Variants in POLN observed in about 807,000 individuals in gnomAD.
POLN encodes the protein DNA polymerase nu.
A neutral mutation model predicts 113.5 loss-of-function variants in POLN; 108 were observed. The ratio of observed to expected loss-of-function variants is 0.95; its 90% CI spans 0.81 to 1.12. The LOEUF (loss-of-function observed/expected upper bound fraction) is 1.12. POLN is among the 50% of genes most tolerant of loss of function. The pLI is 0.00. For missense variants in POLN, 1,097 were observed against 1,077.1 expected (o/e 1.02, Z -0.26); for synonymous variants, 386 against 391.5 (o/e 0.99, Z 0.17).
intron 23 of POLN, 68 bp downstream of exon 23, chr4:2,080,890 C>G (rs1355407030): frequency 6.2e-7 from 1 of 1,610,290 alleles, no homozygotes; most frequent in East Asian, 2.2e-5. Flanking sequence ...AATCACGAGC[C>G]CCGAGGGGGT....
intron 16 of POLN, among the ~76,000 whole-genome samples, chr4:2,155,167 G>C (rs1208386391): frequency 6.6e-6 from 1 of 152,218 alleles, no homozygotes; most frequent in African/African-American, 2.4e-5. Context: ...TATCAACTAA[G>C]AGAAACTACA....
rs370274374 is a variant in POLN, at chr4:2,223,670, T to C, written c.133+5429A>G. Among the ~76,000 whole-genome samples the C allele has an allele frequency of 3.9e-5, 6 of 152,344 alleles. No individual in the cohort carries two copies. The South Asian group carries it at 8.3e-4, about 21-fold the overall frequency. ...GCCTGTAGCTCAAACCTGTACAGCA[T>C]GTACTAGGCTACAAAGCTGTACAGC... On this transcript the variant is annotated intron_variant, in intron 3 of 25. Transcript: ENST00000511885.
At chr4:2,234,555 G>A (rs1005597464) in intron 2 of POLN, 5 of 153,056 alleles carry the variant, frequency 3.3e-5, no homozygotes, top group Middle Eastern at 9.7e-4. Flanking sequence ...GGTGGTAAAC[G>A]GGGACCTGGG....
intron 11 of POLN, among the ~76,000 whole-genome samples, chr4:2,172,882 T>C (rs979770387): frequency 5.3e-5 from 8 of 152,170 alleles, no homozygotes; most frequent in Non-Finnish European, 1.0e-4. Flanking sequence ...TTGTAACGAC[T>C]GCCACTTGGA....
At chr4:2,073,089 G>A (rs1423768910) in intron 24 of POLN, 60 bp from the exon 25 acceptor site, 12 of 1,545,274 alleles carry the variant, frequency 7.8e-6, no homozygotes, top group East Asian at 2.3e-5. Context: ...CCTGGGAGCC[G>A]AAGATAAGAG....
At chr4:2,200,924 C>T (rs1733693765) in intron 5 of POLN, among the ~76,000 whole-genome samples, 1 of 152,038 alleles carries the variant, frequency 6.6e-6, no homozygotes, top group African/African-American at 2.4e-5. Context: ...ATCAGGGAGT[C>T]ACCAGAGAAA....
Position 2,170,712 on chromosome 4 carries a change from C to A in POLN, c.1521G>T (p.Gly507=). Residue 507 remains glycine, a synonymous_variant, in exon 13 of 26, where the codon GGG becomes GGT. Coordinates refer to ENST00000511885, the MANE Select transcript of POLN (RefSeq NM_181808.4). ...LSQRNSLPRT[G]LQKYPSTSEA... ...CTGATGTAGACGGGTATTTCTGCAA[C>A]CCCGTTCTGGGGAGACTGTTCCTTT... 1.2e-6 allele frequency: 2 copies of A among 1,614,154 alleles called. No individual in the cohort carries two copies. Among genetic ancestry groups the A allele is most frequent in the East Asian group, 2.2e-5 (1 of 44,886 alleles).
chr4:2,190,869 T>C (rs1422871196), intron 7 of POLN, among the ~76,000 whole-genome samples: 1 of 152,152 alleles, frequency 6.6e-6, no homozygotes, highest in Non-Finnish European at 1.5e-5. Context: ...AGATAGGGAA[T>C]AACAGATACT....
At position 2,174,062 on chromosome 4, in the gene POLN, A is replaced by G. The variant is rs1404865726; in HGVS notation, c.1310-43T>C. 5 of 1,591,294 alleles carry G rather than the reference A, an allele frequency of 3.1e-6. No individual in the cohort carries two copies. In the African/African-American group the frequency reaches 5.4e-5, roughly 17 times the overall value. ...AACCAGATCATATTTGCATTAATGT[A>G]TTCTTTTTACTAAAGACTAAAATGC... is the stretch of plus-strand genomic sequence containing the variant. On this transcript the variant is annotated intron_variant, in intron 10 of 25. Transcript: ENST00000511885.
chr4:2,085,587 G>A, intron 21 of POLN, 26 bp downstream of exon 21: 1 of 1,612,900 alleles, frequency 6.2e-7, no homozygotes, highest in East Asian at 2.2e-5. Flanking sequence ...GCAGGGAGCA[G>A]GGAGCTCTGG....
chr4:2,180,985 T>C (rs1733125788), intron 7 of POLN, among the ~76,000 whole-genome samples: 4 of 151,530 alleles, frequency 2.6e-5, no homozygotes, highest in Admixed American at 2.0e-4. Context: ...AGAAAAATTA[T>C]ACAAAGAAAT....
At position 2,080,351 on chromosome 4, in the gene POLN, G is replaced by A. The variant is rs546106362; in HGVS notation, c.2387+607C>T. The A allele has an allele frequency of 1.1e-3, 1,044 of 951,830 alleles. 3 individuals are homozygous for A. Among genetic ancestry groups the A allele is most frequent in the Admixed American group, 2.9e-3 (29 of 10,118 alleles). The allele number at this position is 951,830 out of a possible 1,614,324, so 59.0% of individuals were successfully genotyped here. A position where few individuals can be genotyped will look rare whatever the true frequency, so the allele number is the denominator to read the frequency against. ...AGGCCTGAGAGAGCTGTGGCCTGGG[G>A]GGCAGCCAGGGCGGAGCCCCCCCCC... is the stretch of plus-strand genomic sequence containing the variant. On this transcript the variant is annotated intron_variant, in intron 23 of 25. Transcript: ENST00000511885.
intron 20 of POLN, among the ~76,000 whole-genome samples, chr4:2,095,620 CACTTG>C (rs1478028304): frequency 6.6e-6 from 1 of 152,228 alleles, no homozygotes; most frequent in East Asian, 1.9e-4. Flanking sequence ...GGCTTGGTCA[CACTTG>C]ACCTGCCCAG....
chr4:2,174,822 T>TA, intron 9 of POLN, 71 bp from the exon 10 acceptor site: 2 of 1,120,956 alleles, frequency 1.8e-6, no homozygotes, highest in Non-Finnish European at 2.5e-6. Context: ...TTGAAAAGCC[T>TA]ACTTTTTTTT....
intron 2 of POLN, chr4:2,240,762 C>A (rs914765214): frequency 1.2e-6 from 2 of 1,613,848 alleles, no homozygotes; most frequent in African/African-American, 2.7e-5. Context: ...CTGAAGAATG[C>A]TAAAAGCTTC....
rs944010422 is a variant in POLN at position 2,081,709 on chromosome 4, G to C, written c.2232C>G (p.Pro744=). 6.2e-7 allele frequency: 1 copy of C among 1,614,080 alleles called. No individual in the cohort carries two copies. The highest frequency in any genetic ancestry group is 1.1e-5 in the South Asian group (1 of 91,080). Residue 744 remains proline, a synonymous_variant, in exon 22 of 26, where the codon CCC becomes CCG. Transcript: ENST00000511885. ...GGTCATGAGCGTGAATCCTTGGCAG[G>C]GGTCTCCTTCTGCCCATGATGGACA... The part of the protein sequence containing the change: ...CVVSIMGRRR[P]LPRIHAHDQQ...
chr4:2,160,896 T>C (rs1296278635), intron 13 of POLN, among the ~76,000 whole-genome samples: 2 of 152,234 alleles, frequency 1.3e-5, no homozygotes, highest in African/African-American at 4.8e-5. Flanking sequence ...GCTTTTGATA[T>C]TTAGATACAC....
chr4:2,097,417 C>T (rs997423885), intron 19 of POLN, among the ~76,000 whole-genome samples: 6 of 150,206 alleles, frequency 4.0e-5, no homozygotes, highest in Non-Finnish European at 8.9e-5. Flanking sequence ...GTGGTGCGAT[C>T]TCGACTCACT....
At chr4:2,131,692 T>A (rs1577712039) in intron 16 of POLN, among the ~76,000 whole-genome samples, 2 of 152,230 alleles carry the variant, frequency 1.3e-5, no homozygotes, top group African/African-American at 4.8e-5. Flanking sequence ...CTGGTCTCTT[T>A]GATGCTGGTC....
Sources: allele counts gnomAD v4.1 joint callset (sites outside exome capture counted in the v4.1 genomes callset), GRCh38; gene constraint gnomAD v4.1.1; transcripts MANE v1.5; gene names NCBI Gene and HGNC (gene_info 2026-07-23, HGNC 2026-07-21).